The following RASA2 variants were observed in gnomAD, a reference collection of about 807,000 sequenced individuals.
RASA2 encodes RAS p21 protein activator 2.
In RASA2, 155 loss-of-function variants were observed where a neutral mutation model predicts 118.2. The ratio of observed to expected loss-of-function variants is 1.31; its 90% confidence interval spans 1.15 to 1.50. The LOEUF (loss-of-function observed/expected upper bound fraction) is 1.50. Among genes scored for constraint, RASA2 ranks in the 40% most tolerant of loss-of-function variants. The pLI is 0.00. For missense variants in RASA2, 1,016 were observed against 1,009.6 expected (o/e 1.01, Z -0.09); for synonymous variants, 353 against 349.1 (o/e 1.01, Z -0.12).
At chr3:141,534,859 A>G (rs1353879776) in intron 4 of RASA2, among the ~76,000 whole-genome samples, 1 of 152,096 alleles carries the variant, frequency 6.6e-6, no homozygotes, top group African/African-American at 2.4e-5. Context: ...ACTGCCATTA[A>G]TATAAGAGAT....
At chr3:141,520,832 C>T (rs942042412) in intron 3 of RASA2, among the ~76,000 whole-genome samples, 3 of 151,994 alleles carry the variant, frequency 2.0e-5, no homozygotes, top group African/African-American at 7.3e-5. Context: ...CGGTTAGAGG[C>T]AGGAAGACCA....
At chr3:141,555,767 G>T in intron 6 of RASA2, 73 bp from the exon 7 acceptor site, 2 of 1,292,964 alleles carry the variant, frequency 1.5e-6, no homozygotes, top group South Asian at 1.4e-5. Flanking sequence ...CAGGCTCCCT[G>T]GTTGGAAATA....
intron 3 of RASA2, among the ~76,000 whole-genome samples, chr3:141,516,810 A>G (rs190101529): frequency 1.6e-4 from 24 of 149,446 alleles, no homozygotes; most frequent in African/African-American, 4.9e-4. Context: ...ATCTTGCTCT[A>G]TCTCCCAGGC....
chr3:141,612,226 A>AC (rs1259023857), intron 23 of RASA2, 57 bp from the exon 24 acceptor site: 2 of 1,269,840 alleles, frequency 1.6e-6, no homozygotes, highest in Non-Finnish European at 2.2e-6. Flanking sequence ...TATATTTGTC[A>AC]CCCTTTAAAT....
At position 141,504,767 on chromosome 3, in the gene RASA2, G is replaced by T. The variant is rs548295723; in HGVS notation, c.134-7396G>T. Reference sequence around the variant, plus strand: ...CACAAAAAAAGCCTAAGACTTTCCCGTGCCTGTAAGACCTTATTTAACCTG... The same window carrying T: ...CACAAAAAAAGCCTAAGACTTTCCCTTGCCTGTAAGACCTTATTTAACCTG... On this transcript the variant is annotated intron_variant, in intron 1 of 23. Coordinates refer to ENST00000286364, the MANE Select transcript of RASA2 (RefSeq NM_006506.5). 5.9e-5 allele frequency among the ~76,000 whole-genome samples: 9 copies of T among 152,058 alleles called. No homozygotes were observed. The South Asian group carries it at 1.7e-3, about 28-fold the overall frequency.
intron 1 of RASA2, among the ~76,000 whole-genome samples, chr3:141,508,068 A>C (rs551572475): frequency 6.6e-6 from 1 of 152,126 alleles, no homozygotes; most frequent in African/African-American, 2.4e-5. Context: ...ACCGTCAAAC[A>C]ATGTTGAGAA....
chr3:141,502,371 C>T (rs980800405), intron 1 of RASA2, among the ~76,000 whole-genome samples: 21 of 152,250 alleles, frequency 1.4e-4, no homozygotes, highest in African/African-American at 4.8e-4. Flanking sequence ...AAACTTTTAG[C>T]GACCCTTGTT....
chr3:141,600,005 A>G (rs894121395), intron 19 of RASA2, among the ~76,000 whole-genome samples: 13 of 152,222 alleles, frequency 8.5e-5, no homozygotes, highest in African/African-American at 2.7e-4. Flanking sequence ...AGTCCTCTAC[A>G]TAAGTGTGTG....
rs1387520907 is a variant in RASA2 at position 141,541,210 on chromosome 3, C to T, written c.527+601C>T. Among the ~76,000 whole-genome samples, 3 of 152,140 alleles carry T rather than the reference C, an allele frequency of 2.0e-5. No homozygotes were observed. In the East Asian group the frequency reaches 5.8e-4, roughly 29 times the overall value. On this transcript the variant is annotated intron_variant, in intron 5 of 23. Coordinates refer to ENST00000286364, the MANE Select transcript of RASA2 (RefSeq NM_006506.5). ...TTTCCTCTATTTTTGCATTAGTTGA[C>T]ATCTGAATATCCCACAAAGTACAGC...
Position 141,540,570 on chromosome 3 carries a change from T to A in RASA2, c.488T>A (p.Ile163Lys). 1 of 1,612,984 alleles carries A rather than the reference T, an allele frequency of 6.2e-7. No homozygotes were observed. The highest frequency in any genetic ancestry group is 8.5e-7 in the Non-Finnish European group (1 of 1,179,224). Residue 163 changes from isoleucine (I) to lysine (K), a missense_variant, in exon 5 of 24, where the codon ATA becomes AAA. By Grantham distance (102) the Ile-to-Lys change is moderately radical. This residue lies in a region of RASA2 where 896 missense variants were observed against 836.4 expected (regional missense o/e 1.07). Coordinates refer to ENST00000286364, the MANE Select transcript of RASA2 (RefSeq NM_006506.5). The stretch of plus-strand genomic sequence containing the variant: ...CTTGAATTAAAACTGAATGAACTGA[T>A]AACGGAGAATGGAACTGTATGCCAG... The part of the protein sequence containing the change: ...VHLELKLNEL[I>K]TENGTVCQQL...
rs570712856 is a variant in RASA2, at chr3:141,588,108, G to A, written c.1933+1356G>A. Among the ~76,000 whole-genome samples the A allele has an allele frequency of 8.5e-5, 13 of 152,170 alleles. No homozygotes were observed. The South Asian group carries it at 1.9e-3, about 22-fold the overall frequency. On this transcript the variant is annotated intron_variant, in intron 19 of 23. Coordinates refer to ENST00000286364, the MANE Select transcript of RASA2 (RefSeq NM_006506.5). ...CTTAGATACTTGAAAAGTAATTCAAGCACAAAATCCTCTTAGATTTTCAGG... is the reference window on the plus strand; with the variant it reads ...CTTAGATACTTGAAAAGTAATTCAAACACAAAATCCTCTTAGATTTTCAGG...
Position 141,612,398 on chromosome 3 carries a change from T to G in RASA2, c.*85T>G. 1 of 1,136,170 alleles carries G rather than the reference T, an allele frequency of 8.8e-7. No individual in the cohort carries two copies. The highest frequency in any genetic ancestry group is 1.3e-6 in the Non-Finnish European group (1 of 789,798). 70.4% of individuals were successfully genotyped at this position (1,136,170 alleles called of 1,614,324 possible). On this transcript the variant is annotated 3_prime_UTR_variant, in exon 24 of 24. Coordinates refer to ENST00000286364, the MANE Select transcript of RASA2 (RefSeq NM_006506.5). ...TCATCATGTATTTTGTTCATGGTATTTAAGAATGAGCATCCGCTTCAATGT... is the reference window on the plus strand; with the variant it reads ...TCATCATGTATTTTGTTCATGGTATGTAAGAATGAGCATCCGCTTCAATGT...
intron 3 of RASA2, among the ~76,000 whole-genome samples, chr3:141,521,529 C>A (rs943617131): frequency 6.6e-6 from 1 of 152,052 alleles, no homozygotes; most frequent in African/African-American, 2.4e-5. Flanking sequence ...TTGAAAAGGC[C>A]TTTAAGGCCT....
intron 1 of RASA2, among the ~76,000 whole-genome samples, chr3:141,510,372 CA>C (rs982652383): frequency 1.3e-5 from 2 of 152,064 alleles, no homozygotes; most frequent in African/African-American, 4.8e-5. Flanking sequence ...CAAAGGACTT[CA>C]AAACTTCAAA....
intron 2 of RASA2, among the ~76,000 whole-genome samples, chr3:141,514,684 A>T (rs1277465205): frequency 4.6e-5 from 7 of 152,272 alleles, no homozygotes; most frequent in Non-Finnish European, 1.0e-4. Context: ...TTGCATTCTC[A>T]GTAATCAAAA....
At chr3:141,511,335 C>T (rs559221679) in intron 1 of RASA2, among the ~76,000 whole-genome samples, 8 of 151,978 alleles carry the variant, frequency 5.3e-5, no homozygotes, top group East Asian at 1.9e-4. Context: ...ATCTGGGAGG[C>T]GTTCGCATTA....
chr3:141,496,083 G>A lies in RASA2; in HGVS notation c.133+8867G>A, dbSNP rs572836277. On this transcript the variant is annotated intron_variant, in intron 1 of 23. Transcript: ENST00000286364. ...ATTGCCTCAATGGTGGATAAAGGGA[G>A]TTAGCCGGTGCTGGGAAAACTGGCT... is the stretch of plus-strand genomic sequence containing the variant. Among the ~76,000 whole-genome samples, 4 of 152,276 alleles carry A rather than the reference G, an allele frequency of 2.6e-5. No homozygotes were observed. The South Asian group carries it at 6.2e-4, about 24-fold the overall frequency.
At chr3:141,568,561 A>G (rs1227940315) in intron 9 of RASA2, among the ~76,000 whole-genome samples, 1 of 152,052 alleles carries the variant, frequency 6.6e-6, no homozygotes, top group Non-Finnish European at 1.5e-5. Flanking sequence ...CATTGATTTG[A>G]TGACATTGTT....
At chr3:141,503,717 T>C (rs1336688775) in intron 1 of RASA2, among the ~76,000 whole-genome samples, 3 of 152,208 alleles carry the variant, frequency 2.0e-5, no homozygotes, top group African/African-American at 7.2e-5. Flanking sequence ...GATCTCTCCA[T>C]GTGTGTTAGC....
Sources: allele counts gnomAD v4.1 joint callset (sites outside exome capture counted in the v4.1 genomes callset), GRCh38; gene constraint gnomAD v4.1.1; regional missense constraint gnomAD v4.1.1; transcripts MANE v1.5; gene names NCBI Gene and HGNC (gene_info 2026-07-23, HGNC 2026-07-21).